The following RNF125 variants were observed in gnomAD, a reference collection of about 807,000 sequenced individuals.
RNF125 encodes E3 ubiquitin-protein ligase RNF125.
Under a neutral mutation model 26.0 loss-of-function variants are expected in RNF125, and 21 were observed. The ratio of observed to expected loss-of-function variants is 0.81; its 90% CI spans 0.57 to 1.16. The LOEUF is 1.16. RNF125 is among the 50% of genes most tolerant of loss of function. The pLI, the probability that RNF125 is intolerant of heterozygous loss-of-function variation, is 0.00. For synonymous variants in RNF125, 95 were observed against 109.2 expected, an observed-to-expected ratio of 0.87 and a Z score of 0.81; for missense variants, 270 against 299.4, an observed-to-expected ratio of 0.90 and a Z score of 0.72.
the RNF125 span, among the ~76,000 whole-genome samples, chr18:32,090,524 A>C: frequency 2.8e-4 from 43 of 152,228 alleles, no homozygotes; most frequent in Non-Finnish European, 4.6e-4. Flanking sequence ...TTATTATTCT[A>C]GGAATCAATG....
Position 32,068,592 on chromosome 18 carries a change from T to A in RNF125, c.*208T>A. 2.2e-6 allele frequency: 1 copy of A among 446,032 alleles called. No homozygotes were observed. Among genetic ancestry groups the A allele is most frequent in the Non-Finnish European group, 4.0e-6 (1 of 247,766 alleles). 27.6% of individuals were successfully genotyped at this position (446,032 alleles called of 1,614,324 possible). A position where few individuals can be genotyped will look rare whatever the true frequency, so the allele number is the denominator to read the frequency against. On this transcript the variant is annotated 3_prime_UTR_variant, in exon 6 of 6. Transcript: ENST00000217740. ...TTTACATCCTTGAGATTCTTACACA[T>A]CTAACAACAAAAAAAATTATCTACA...
chr18:32,033,970 A>T (rs2039125952), intron 1 of RNF125, among the ~76,000 whole-genome samples: 1 of 127,334 alleles, frequency 7.9e-6, no homozygotes, highest in Non-Finnish European at 1.5e-5. Flanking sequence ...ACATACCTTT[A>T]AAAAAAAAAA....
chr18:32,031,835 A>G (rs2039099889), intron 1 of RNF125, among the ~76,000 whole-genome samples: 1 of 152,166 alleles, frequency 6.6e-6, no homozygotes, highest in African/African-American at 2.4e-5. Context: ...GTGGTAGTGG[A>G]ATAAAAGGTT....
At chr18:32,032,563 A>G (rs1003519943) in intron 1 of RNF125, among the ~76,000 whole-genome samples, 6 of 152,062 alleles carry the variant, frequency 3.9e-5, no homozygotes, top group East Asian at 1.9e-4. Flanking sequence ...AACTTTATCC[A>G]GCTTTATTAA....
intron 2 of RNF125, 95 bp downstream of exon 2, chr18:32,037,364 CTTTTTTTTTTTTTT>C (rs796828237): frequency 1.5e-5 from 2 of 130,584 alleles, no homozygotes; most frequent in Non-Finnish European, 1.3e-5. Context: ...TGGTACGCAC[CTTTTTTTTTTTTTT>C]TTTTTTTTTT....
At chr18:32,085,723 A>AGAG in the RNF125 span, among the ~76,000 whole-genome samples, 19 of 146,294 alleles carry the variant, frequency 1.3e-4, no homozygotes, top group African/African-American at 5.1e-4. Flanking sequence ...AAAAAAAAAA[A>AGAG]AGAGAGAGAG....
intron 4 of RNF125, among the ~76,000 whole-genome samples, chr18:32,048,804 C>A (rs2039297732): frequency 6.6e-6 from 1 of 152,124 alleles, no homozygotes; most frequent in Non-Finnish European, 1.5e-5. Context: ...TCAAGTTGCT[C>A]TGTAGGAGGA....
intron 1 of RNF125, among the ~76,000 whole-genome samples, chr18:32,029,118 C>T (rs1268548626): frequency 6.6e-6 from 1 of 152,114 alleles, no homozygotes; most frequent in African/African-American, 2.4e-5. Context: ...CTCATATAGC[C>T]TCACTTTTAG....
chr18:32,077,778 T>C (rs1040424881), downstream of RNF125, among the ~76,000 whole-genome samples: 2 of 151,852 alleles, frequency 1.3e-5, no homozygotes, highest in African/African-American at 2.4e-5. Context: ...TCTGGCATAG[T>C]GTAACCTCTA....
chr18:32,029,513 C>T (rs1292723530), intron 1 of RNF125, among the ~76,000 whole-genome samples: 2 of 150,858 alleles, frequency 1.3e-5, no homozygotes, highest in African/African-American at 4.9e-5. Context: ...GTAGTCCCAG[C>T]TACTCAGGAG....
intron 4 of RNF125, among the ~76,000 whole-genome samples, chr18:32,053,103 C>T (rs2039344435): frequency 6.6e-6 from 1 of 152,200 alleles, no homozygotes; most frequent in Admixed American, 6.5e-5. Flanking sequence ...TGGCTCATGC[C>T]TGTAATCCCA....
rs1340638889 is a variant in RNF125, at chr18:32,073,045, A to T, written c.*4661A>T. The T allele has an allele frequency of 7.2e-6, 1 of 138,810 alleles. No homozygotes were observed. Among genetic ancestry groups the T allele is most frequent in the African/African-American group, 2.8e-5 (1 of 35,610 alleles). The allele number at this position is 138,810 out of a possible 1,614,324, so 8.6% of individuals were successfully genotyped here. A position where few individuals can be genotyped will look rare whatever the true frequency, so the allele number is the denominator to read the frequency against. Reference sequence around the variant, plus strand: ...TTTCCAACATTGAAGGTATTTTAAAAAGTCACTAAGAGATTCATTCTTTTA... The same window carrying T: ...TTTCCAACATTGAAGGTATTTTAAATAGTCACTAAGAGATTCATTCTTTTA... On this transcript the variant is annotated 3_prime_UTR_variant, in exon 6 of 6. Transcript: ENST00000217740.
At position 32,050,499 on chromosome 18, in the gene RNF125, TTTTTTTA is replaced by T. The variant is rs1185252392; in HGVS notation, c.504+4780_504+4786del. 2.9e-4 allele frequency among the ~76,000 whole-genome samples: 44 copies of T among 152,188 alleles called. No homozygotes were observed. In the East Asian group the frequency reaches 2.9e-3, roughly 10 times the overall value. On this transcript the variant is annotated intron_variant, in intron 4 of 5. Coordinates refer to ENST00000217740, the MANE Select transcript of RNF125 (RefSeq NM_017831.4). The stretch of plus-strand genomic sequence containing the variant: ...CAACTGGATAATTCTTTAATTATTA[TTTTTTTA>T]TTTTTTATTTTTGGTAAAGATGAGA...
At chr18:32,040,269 CTTTTT>C (rs1185186501) in intron 2 of RNF125, among the ~76,000 whole-genome samples, 6 of 104,486 alleles carry the variant, frequency 5.7e-5, no homozygotes, top group Admixed American at 1.2e-4. Context: ...CAATTTCTTT[CTTTTT>C]TTTTTTTTTT....
intron 4 of RNF125, among the ~76,000 whole-genome samples, chr18:32,051,115 C>A (rs2039322761): frequency 6.6e-6 from 1 of 151,968 alleles, no homozygotes; most frequent in South Asian, 2.1e-4. Flanking sequence ...CCCTGATACT[C>A]ATTAATTTCA....
intron 1 of RNF125, among the ~76,000 whole-genome samples, chr18:32,033,687 C>T (rs1471850258): frequency 2.6e-5 from 4 of 151,622 alleles, no homozygotes; most frequent in Non-Finnish European, 5.9e-5. Context: ...GGCGTGGTGG[C>T]GCATGCCTGT....
chr18:32,070,505 G>A lies in RNF125; in HGVS notation c.*2121G>A, dbSNP rs1432227767. ...TTTATCTAACCTTTCTGTTACAACT[G>A]TACCTCTCCTTCTGTACTGAAAGTC... On this transcript the variant is annotated 3_prime_UTR_variant, in exon 6 of 6. Transcript: ENST00000217740. 6.6e-6 allele frequency: 1 copy of A among 151,926 alleles called. No individual in the cohort carries two copies. Among genetic ancestry groups the A allele is most frequent in the Non-Finnish European group, 1.5e-5 (1 of 67,994 alleles). The allele number at this position is 151,926 out of a possible 1,614,324, so 9.4% of individuals were successfully genotyped here.
chr18:32,077,624 T>C (rs1173942154), downstream of RNF125, among the ~76,000 whole-genome samples: 1 of 150,860 alleles, frequency 6.6e-6, no homozygotes, highest in Non-Finnish European at 1.5e-5. Context: ...GCCTCCCAAA[T>C]TGCTGGGATT....
chr18:32,021,109 C>T (rs1168591801), intron 1 of RNF125, among the ~76,000 whole-genome samples: 15 of 152,132 alleles, frequency 9.9e-5, no homozygotes, highest in Admixed American at 9.8e-4. Context: ...GAGATGGAGT[C>T]TTGCTGTGTT....
Sources: gnomAD v4.1 joint callset for allele counts (sites outside exome capture counted in the v4.1 genomes callset) on GRCh38, gnomAD v4.1.1 for gene constraint, MANE v1.5 for transcripts, NCBI Gene and HGNC (gene_info 2026-07-23, HGNC 2026-07-21) for gene names.